Variants in KRT3 observed in about 807,000 individuals in gnomAD.
The protein encoded by KRT3 is keratin 3.
A neutral mutation model predicts 45.8 loss-of-function variants in KRT3; 34 were observed. The ratio of observed to expected loss-of-function variants is 0.74; its 90% CI spans 0.57 to 0.99. The LOEUF (loss-of-function observed/expected upper bound fraction) is 0.99. Ranked by LOEUF, KRT3 falls within the 50% of genes least tolerant of loss-of-function variation. The pLI, the probability that KRT3 is intolerant of heterozygous loss-of-function variation, is 0.00. For synonymous variants in KRT3, 367 were observed against 329.0 expected (o/e 1.12, Z -1.25); for missense variants, 828 against 820.6 (o/e 1.01, Z -0.11).
At chr12:52,793,361 A>C in intron 2 of KRT3, 138 bp from the exon 3 acceptor site, 2 of 615,692 alleles carry the variant, frequency 3.2e-6, no homozygotes, top group Non-Finnish European at 5.8e-6. Flanking sequence ...CATCCTCTTT[A>C]CTATCTCCCT....
At chr12:52,791,576 T>C (rs748165195) in intron 6 of KRT3, 115 bp downstream of exon 6, 10 of 1,487,510 alleles carry the variant, frequency 6.7e-6, no homozygotes, top group East Asian at 2.3e-5. Context: ...TACTGCCCTG[T>C]GGGTCAGCCA....
chr12:52,792,154 C>A, intron 5 of KRT3, 85 bp downstream of exon 5: 1 of 1,178,564 alleles, frequency 8.5e-7, no homozygotes, highest in South Asian at 1.4e-5. Context: ...CCAGTGACCA[C>A]TGGGAACTCA....
intron 6 of KRT3, 25 bp from the exon 7 acceptor site, chr12:52,791,451 T>C (rs775488351): frequency 2.5e-6 from 4 of 1,611,704 alleles, no homozygotes; most frequent in Non-Finnish European, 3.4e-6. Flanking sequence ...GTAGGAGGAA[T>C]GAGCTCAGTA....
intron 1 of KRT3, among the ~76,000 whole-genome samples, chr12:52,794,662 T>C (rs1939598361): frequency 6.6e-6 from 1 of 152,174 alleles, no homozygotes; most frequent in Admixed American, 6.5e-5. Flanking sequence ...AAAATGCACA[T>C]AAACCTCAGC....
chr12:52,790,300 G>C lies in KRT3; in HGVS notation c.1629C>G (p.Gly543=). 6 of 1,568,120 alleles carry C rather than the reference G, an allele frequency of 3.8e-6. No homozygotes were observed. Among genetic ancestry groups the C allele is most frequent in the Non-Finnish European group, 5.2e-6 (6 of 1,156,454 alleles). ...ASAGGYGGGY[G]GGMGGGLGGG... The stretch of plus-strand genomic sequence containing the variant: ...CTCCTAAACCACCGCCCATGCCTCC[G>C]CCGTAACCTCCTCCATAGCCACCTG... Residue 543 remains glycine (G), a synonymous_variant, in exon 9 of 9, where the codon GGC becomes GGG. Coordinates refer to ENST00000417996, the MANE Select transcript of KRT3 (RefSeq NM_057088.3).
At chr12:52,793,697 TTC>T (rs1159751121) in intron 2 of KRT3, among the ~76,000 whole-genome samples, 1 of 152,146 alleles carries the variant, frequency 6.6e-6, no homozygotes, top group Non-Finnish European at 1.5e-5. Context: ...GTTCAAGAAA[TTC>T]TGTTTCCTCA....
At chr12:52,795,068 G>A (rs894405790) in intron 1 of KRT3, among the ~76,000 whole-genome samples, 4 of 152,170 alleles carry the variant, frequency 2.6e-5, no homozygotes, top group South Asian at 2.1e-4. Context: ...TGGACCCTTC[G>A]CTGATGGTGG....
intron 8 of KRT3, 118 bp from the exon 9 acceptor site, chr12:52,790,476 G>T: frequency 9.9e-7 from 1 of 1,012,966 alleles, no homozygotes; most frequent in Non-Finnish European, 1.4e-6. Flanking sequence ...GCTTTGCACA[G>T]GATGTTCACC....
At chr12:52,790,466 G>T (rs1030823059) in intron 8 of KRT3, 108 bp from the exon 9 acceptor site, 23 of 1,094,154 alleles carry the variant, frequency 2.1e-5, no homozygotes, top group Non-Finnish European at 2.8e-5. Flanking sequence ...GATCAAGGCA[G>T]CTTTGCACAG....
At chr12:52,791,538 G>T in intron 6 of KRT3, 112 bp from the exon 7 acceptor site, 1 of 1,427,830 alleles carries the variant, frequency 7.0e-7, no homozygotes, top group Non-Finnish European at 9.6e-7. Flanking sequence ...CTCCCCTAGT[G>T]CCTCCATCTT....
At chr12:52,793,961 T>A in intron 2 of KRT3, 150 bp downstream of exon 2, 1 of 640,674 alleles carries the variant, frequency 1.6e-6, no homozygotes, top group East Asian at 2.6e-5. Flanking sequence ...GAGGGGGAAC[T>A]GAATGAACCA....
intron 4 of KRT3, 99 bp from the exon 5 acceptor site, chr12:52,792,502 T>C: frequency 1.6e-6 from 2 of 1,242,942 alleles, no homozygotes; most frequent in Non-Finnish European, 2.3e-6. Flanking sequence ...CACTGATTCC[T>C]TGCTCCACAT....
chr12:52,792,955 G>C, intron 3 of KRT3, 149 bp from the exon 4 acceptor site: 1 of 708,464 alleles, frequency 1.4e-6, no homozygotes, highest in East Asian at 2.5e-5. Context: ...TATCTCATTA[G>C]GATGGTCTAA....
chr12:52,792,561 G>T, intron 4 of KRT3, 150 bp downstream of exon 4: 1 of 942,762 alleles, frequency 1.1e-6, no homozygotes, highest in Non-Finnish European at 1.7e-6. Context: ...CCCCATGTCT[G>T]CAGCTTATCC....
At position 52,791,319 on chromosome 12, in the gene KRT3, C is replaced by T. The variant is rs368969102; in HGVS notation, c.1422G>A (p.Ala474=). The stretch of plus-strand genomic sequence containing the variant: ...GTAGCAGCCGCGCCAGGTCATCCTT[C>T]GCCTGCTGTAGAGCAGCCTGCAGCT... ...LQELQAALQQ[A]KDDLARLLRD... The change falls in exon 7 of 9, where the codon GCG becomes GCA. Residue 474 remains alanine (A), a synonymous_variant. Coordinates refer to ENST00000417996, the MANE Select transcript of KRT3 (RefSeq NM_057088.3). 3.1e-6 allele frequency: 5 copies of T among 1,614,128 alleles called. No homozygotes were observed. Among genetic ancestry groups the T allele is most frequent in the East Asian group, 4.5e-5 (2 of 44,902 alleles).
At position 52,790,826 on chromosome 12, in the gene KRT3, T is replaced by C; in HGVS notation, c.1570+12A>G. On this transcript the variant is annotated intron_variant, in intron 8 of 8. Coordinates refer to ENST00000417996, the MANE Select transcript of KRT3 (RefSeq NM_057088.3). ...ATTAACTCTCATTTTCTTAGCTACT[T>C]TCGGTACTTACAGATGCTGACAGCA... 1 of 1,587,358 alleles carries C rather than the reference T, an allele frequency of 6.3e-7. No homozygotes were observed. Among genetic ancestry groups the C allele is most frequent in the Non-Finnish European group, 8.6e-7 (1 of 1,164,968 alleles).
chr12:52,789,911 G>A lies in KRT3; in HGVS notation c.*131C>T. Reference sequence around the variant, plus strand: ...GCCGGGGATCTGGAAGGAGGAGCAAGAGGCCACAAGCCTTCCAGCGCAGAG... The same window carrying A: ...GCCGGGGATCTGGAAGGAGGAGCAAAAGGCCACAAGCCTTCCAGCGCAGAG... On this transcript the variant is annotated 3_prime_UTR_variant, in exon 9 of 9. Coordinates refer to ENST00000417996, the MANE Select transcript of KRT3 (RefSeq NM_057088.3). 1 of 922,128 alleles carries A rather than the reference G, an allele frequency of 1.1e-6. No individual in the cohort carries two copies. The highest frequency in any genetic ancestry group is 1.7e-6 in the Non-Finnish European group (1 of 596,620). The allele number at this position is 922,128 out of a possible 1,614,324, so 57.1% of individuals were successfully genotyped here.
At chr12:52,792,165 C>G (rs1490547488) in intron 5 of KRT3, 74 bp downstream of exon 5, 5 of 1,316,502 alleles carry the variant, frequency 3.8e-6, no homozygotes, top group Non-Finnish European at 4.3e-6. Flanking sequence ...TGGGAACTCA[C>G]TACCCAGCTG....
Position 52,790,112 on chromosome 12 carries a change from G to A in KRT3, c.1817C>T (p.Ser606Leu). 6.5e-7 allele frequency: 1 copy of A among 1,543,988 alleles called. No homozygotes were observed. The highest frequency in any genetic ancestry group is 8.7e-7 in the Non-Finnish European group (1 of 1,146,864). ...RYGVSGGGFS[S>L]ASNRGGSIKF... ...GATGCTGCCGCCCCGGTTGCTGGCC[G>A]AGCTGAAGCCCCCGCCACTGACTCC... The change falls in exon 9 of 9, where the codon TCG becomes TTG. Residue 606 changes from serine (S) to leucine (L), a missense_variant. By Grantham distance (145) the Ser-to-Leu change is moderately radical. Transcript: ENST00000417996.
Sources: allele counts gnomAD v4.1 joint callset (sites outside exome capture counted in the v4.1 genomes callset), GRCh38; gene constraint gnomAD v4.1.1; transcripts MANE v1.5; gene names NCBI Gene and HGNC (gene_info 2026-07-23, HGNC 2026-07-21).